KSR1: variants seen among roughly 807,000 people sequenced by gnomAD.
The protein encoded by KSR1 is kinase suppressor of ras 1, also known as kinase suppressor of ras.
In KSR1, 35 loss-of-function variants were observed where a neutral mutation model predicts 92.9. The observed-to-expected ratio is 0.38, with a 90% CI of 0.29 to 0.50. The LOEUF is 0.50. KSR1 is among the 20% of genes least tolerant of loss of function. The pLI, the probability that KSR1 is intolerant of heterozygous loss-of-function variation, is 0.94. For missense variants in KSR1, 972 were observed against 1,158.5 expected (o/e 0.84, Z 2.34); for synonymous variants, 467 against 472.6 (o/e 0.99, Z 0.15).
chr17:27,476,719 G>A (rs1170302195), intron 1 of KSR1, among the ~76,000 whole-genome samples: 2 of 152,170 alleles, frequency 1.3e-5, no homozygotes, highest in Non-Finnish European at 1.5e-5. Context: ...GGGTGGTGGC[G>A]ATGAGGACAT....
chr17:27,490,942 G>A (rs908842456), intron 1 of KSR1, among the ~76,000 whole-genome samples: 2 of 152,074 alleles, frequency 1.3e-5, no homozygotes, highest in African/African-American at 4.8e-5. Flanking sequence ...CCATAAAAGG[G>A]ACAAAGTAGA....
intron 1 of KSR1, among the ~76,000 whole-genome samples, chr17:27,464,312 A>G (rs2019577629): frequency 6.6e-6 from 1 of 152,234 alleles, no homozygotes; most frequent in Non-Finnish European, 1.5e-5. Context: ...GGGCTGGCTC[A>G]GCCCGAATGA....
chr17:27,557,212 G>C (rs1296236805), intron 2 of KSR1, among the ~76,000 whole-genome samples: 1 of 152,222 alleles, frequency 6.6e-6, no homozygotes, highest in Non-Finnish European at 1.5e-5. Flanking sequence ...GCCTGACCCT[G>C]AAGTTTGGCC....
intron 15 of KSR1, 97 bp downstream of exon 15, chr17:27,608,107 G>A (rs2073814682): frequency 1.2e-6 from 1 of 856,306 alleles, no homozygotes. Flanking sequence ...GGGTGGTTTG[G>A]GCAGCTTTGC....
In KSR1 at chr17:27,456,451, G is replaced by A. The variant is rs1199333940; in HGVS notation, c.-193G>A. 1 of 377,098 alleles carries A rather than the reference G, an allele frequency of 2.7e-6. No homozygotes were observed. Among genetic ancestry groups the A allele is most frequent in the Non-Finnish European group, 4.7e-6 (1 of 214,342 alleles). 23.4% of individuals were successfully genotyped at this position (377,098 alleles called of 1,614,324 possible). A position where few individuals can be genotyped will look rare whatever the true frequency, so the allele number is the denominator to read the frequency against. ...CTCCGGGAGCCGCAGCCGTCGGGTCGCCGCGGCTTTCGCTTTGCTGCCGCG... is the reference window on the plus strand; with the variant it reads ...CTCCGGGAGCCGCAGCCGTCGGGTCACCGCGGCTTTCGCTTTGCTGCCGCG... On this transcript the variant is annotated 5_prime_UTR_variant, in exon 1 of 21. Coordinates refer to ENST00000644974, the MANE Select transcript of KSR1 (RefSeq NM_001394583.1).
At chr17:27,595,727 G>A (rs1433250761) in intron 9 of KSR1, among the ~76,000 whole-genome samples, 1 of 147,662 alleles carries the variant, frequency 6.8e-6, no homozygotes, top group Non-Finnish European at 1.5e-5. Flanking sequence ...TCCATTTCTA[G>A]TGCAGCAGCC....
chr17:27,621,644 A>T (rs2074227067), intron 20 of KSR1, among the ~76,000 whole-genome samples: 1 of 152,050 alleles, frequency 6.6e-6, no homozygotes, highest in Non-Finnish European at 1.5e-5. Flanking sequence ...AGTAGATTTT[A>T]CTCGTCAAGG....
In KSR1 at chr17:27,610,143, G is replaced by A. The variant is rs369341973; in HGVS notation, c.2302G>A (p.Gly768Arg). 2.5e-5 allele frequency: 41 copies of A among 1,613,914 alleles called. 1 individual carries two copies. Among genetic ancestry groups the A allele is most frequent in the South Asian group, 3.3e-5 (3 of 91,090 alleles). ...APEIVREMTP[G>R]KDEDQLPFSK... ...TGAGATTGTACGCGAGATGACCCCCGGGAAGGACGAGGATCAGCTGCCATT... is the reference window on the plus strand; with the variant it reads ...TGAGATTGTACGCGAGATGACCCCCAGGAAGGACGAGGATCAGCTGCCATT... The change falls in exon 17 of 21, where the codon GGG becomes AGG. Residue 768 changes from glycine (G) to arginine (R), a missense_variant. By Grantham distance (125) the Gly-to-Arg change is moderately radical. This residue lies in a region of KSR1 where 260 missense variants were observed against 375.2 expected (regional missense o/e 0.69). Coordinates refer to ENST00000644974, the MANE Select transcript of KSR1 (RefSeq NM_001394583.1).
intron 17 of KSR1, chr17:27,611,202 C>T (rs2073905830): frequency 2.5e-6 from 1 of 393,404 alleles, no homozygotes; most frequent in East Asian, 4.7e-5. Context: ...TTACTGGGAT[C>T]TTGCAGCTAG....
chr17:27,464,209 G>C (rs886359185), intron 1 of KSR1, among the ~76,000 whole-genome samples: 1 of 152,174 alleles, frequency 6.6e-6, no homozygotes, highest in African/African-American at 2.4e-5. Flanking sequence ...CTCTGTCCCA[G>C]TGCCTTAGGG....
At chr17:27,486,924 A>G (rs566600284) in intron 1 of KSR1, among the ~76,000 whole-genome samples, 1 of 152,340 alleles carries the variant, frequency 6.6e-6, no homozygotes, top group Non-Finnish European at 1.5e-5. Flanking sequence ...TTTAGCTGTA[A>G]AATGGGGAAA....
At chr17:27,548,002 C>T (rs2071245445) in intron 1 of KSR1, among the ~76,000 whole-genome samples, 1 of 152,208 alleles carries the variant, frequency 6.6e-6, no homozygotes, top group Non-Finnish European at 1.5e-5. Flanking sequence ...CGTGAGCCAC[C>T]ATGACTGGCT....
chr17:27,477,340 C>T lies in KSR1; in HGVS notation c.231+20466C>T, dbSNP rs940181345. 5.3e-5 allele frequency among the ~76,000 whole-genome samples: 8 copies of T among 152,290 alleles called. No homozygotes were observed. The East Asian group carries it at 9.6e-4, about 18-fold the overall frequency. The stretch of plus-strand genomic sequence containing the variant: ...TATTTAACCCAGCTCCTGTTTAAGA[C>T]GGAGTTGCTCTGGTTCACATGCCTC... On this transcript the variant is annotated intron_variant, in intron 1 of 20. Transcript: ENST00000644974.
intron 10 of KSR1, among the ~76,000 whole-genome samples, chr17:27,598,627 T>C (rs752478588): frequency 5.3e-5 from 8 of 152,244 alleles, no homozygotes; most frequent in Non-Finnish European, 7.3e-5. Context: ...GTCTTTATTA[T>C]GCTCTGAAAC....
chr17:27,490,130 G>C (rs2068777877), intron 1 of KSR1, among the ~76,000 whole-genome samples: 2 of 152,188 alleles, frequency 1.3e-5, no homozygotes, highest in African/African-American at 4.8e-5. Flanking sequence ...CAGCATCCTG[G>C]TGGGACCTTA....
intron 2 of KSR1, among the ~76,000 whole-genome samples, chr17:27,565,378 G>T (rs1027181017): frequency 6.6e-6 from 1 of 152,180 alleles, no homozygotes; most frequent in Non-Finnish European, 1.5e-5. Context: ...TGAGGAGGCA[G>T]TGCTTTTATC....
chr17:27,607,562 A>G (rs1160883895), intron 14 of KSR1, among the ~76,000 whole-genome samples: 1 of 152,162 alleles, frequency 6.6e-6, no homozygotes, highest in Admixed American at 6.5e-5. Flanking sequence ...ATGCCCTTAA[A>G]TTAGCCAAGT....
At chr17:27,553,572 T>G (rs1221157542) in intron 2 of KSR1, among the ~76,000 whole-genome samples, 1 of 152,194 alleles carries the variant, frequency 6.6e-6, no homozygotes, top group Non-Finnish European at 1.5e-5. Flanking sequence ...CAGACTGGGC[T>G]GCAGGAGCCT....
At chr17:27,573,735 C>T (rs185348491) in intron 2 of KSR1, among the ~76,000 whole-genome samples, 9 of 152,306 alleles carry the variant, frequency 5.9e-5, no homozygotes, top group African/African-American at 1.2e-4. Flanking sequence ...TGGAATCGTG[C>T]GCACGTGGGT....
Sources: allele counts gnomAD v4.1 joint callset (sites outside exome capture counted in the v4.1 genomes callset), GRCh38; gene constraint gnomAD v4.1.1; regional missense constraint gnomAD v4.1.1; transcripts MANE v1.5; gene names NCBI Gene and HGNC (gene_info 2026-07-23, HGNC 2026-07-21).